Variants in ENPP3 observed in about 807,000 individuals in gnomAD.
ENPP3 encodes the protein ectonucleotide pyrophosphatase/phosphodiesterase family member 3.
Under a neutral mutation model 117.8 loss-of-function variants are expected in ENPP3, and 104 were observed. The observed-to-expected ratio is 0.88, with a 90% CI of 0.75 to 1.04. The LOEUF is 1.04. Ranked by LOEUF, ENPP3 falls within the 50% of genes least tolerant of loss-of-function variation. ENPP3 has a pLI of 0.00. For missense variants in ENPP3, 1,026 were observed against 1,051.9 expected (o/e 0.98, Z 0.34); for synonymous variants, 380 against 349.9 (o/e 1.09, Z -0.96).
Position 131,648,816 on chromosome 6 carries a change from G to T in ENPP3, c.155-1211G>T, listed in dbSNP as rs1472389992. On this transcript the variant is annotated intron_variant, in intron 2 of 24. Transcript: ENST00000357639. ...GCATAGCAAGGAGAAATGATATTTAGCTGGGCACACACTCCTCGCACAATA... is the reference window on the plus strand; with the variant it reads ...GCATAGCAAGGAGAAATGATATTTATCTGGGCACACACTCCTCGCACAATA... Among the ~76,000 whole-genome samples, 50 of 152,124 alleles carry T rather than the reference G, an allele frequency of 3.3e-4. 1 individual carries two copies. The highest frequency in any genetic ancestry group is 3.3e-3 in the Admixed American group (50 of 15,266).
At chr6:131,685,243 A>G in intron 12 of ENPP3, 121 bp from the exon 13 acceptor site, 2 of 897,264 alleles carry the variant, frequency 2.2e-6, no homozygotes, top group Non-Finnish European at 3.4e-6. Flanking sequence ...AATTGCGTAA[A>G]TTCTCAGTGA....
intron 5 of ENPP3, among the ~76,000 whole-genome samples, chr6:131,656,266 G>C (rs1323699391): frequency 6.6e-6 from 1 of 152,122 alleles, no homozygotes. Context: ...ATCACAGGCA[G>C]TAAAAATAAT....
chr6:131,721,863 C>CAT lies in ENPP3; in HGVS notation c.1568-364_1568-363insAT, dbSNP rs1217000794. 7.2e-5 allele frequency among the ~76,000 whole-genome samples: 11 copies of CAT among 152,236 alleles called. No homozygotes were observed. In the East Asian group the frequency reaches 2.1e-3, roughly 29 times the overall value. On this transcript the variant is annotated intron_variant, in intron 17 of 24. Transcript: ENST00000357639. The stretch of plus-strand genomic sequence containing the variant: ...AAACAGAAACCATTCATGAAAGTTC[C>CAT]TCTGGCTCATCTGCAGCAACTGTTC...
At chr6:131,720,271 A>AATG in intron 16 of ENPP3, 21 bp from the exon 17 acceptor site, 1 of 1,425,324 alleles carries the variant, frequency 7.0e-7, no homozygotes, top group South Asian at 1.3e-5. Context: ...TAATAATAAT[A>AATG]ATCTGACTAT....
intron 11 of ENPP3, among the ~76,000 whole-genome samples, chr6:131,678,657 G>A (rs1317589802): frequency 2.0e-5 from 3 of 152,224 alleles, no homozygotes; most frequent in African/African-American, 7.2e-5. Flanking sequence ...TGGAATGCAA[G>A]CATATTCGCT....
At chr6:131,666,650 C>T (rs1778622449) in intron 6 of ENPP3, among the ~76,000 whole-genome samples, 1 of 152,206 alleles carries the variant, frequency 6.6e-6, no homozygotes, top group Non-Finnish European at 1.5e-5. Context: ...CTCATCACCT[C>T]AACGAGCATC....
chr6:131,691,457 TGG>T lies in ENPP3; in HGVS notation c.1285-2039_1285-2038del, dbSNP rs1031507636. ...TACAAAAATTAGCCGGGCATGGTGG[TGG>T]ATGCCTGTAATCCCAGCTACTCTGG... On this transcript the variant is annotated intron_variant, in intron 14 of 24. Coordinates refer to ENST00000357639, the MANE Select transcript of ENPP3 (RefSeq NM_005021.5). 2.0e-3 allele frequency among the ~76,000 whole-genome samples: 300 copies of T among 151,690 alleles called. 2 individuals carry two copies. Among genetic ancestry groups the T allele is most frequent in the African/African-American group, 7.0e-3 (289 of 41,364 alleles).
rs1209284810 is a variant in ENPP3, at chr6:131,671,236, A to C, written c.563-12A>C. 12 of 1,515,780 alleles carry C rather than the reference A, an allele frequency of 7.9e-6. 1 individual carries two copies. The South Asian group carries it at 1.4e-4, about 17-fold the overall frequency. 93.9% of individuals were successfully genotyped at this position (1,515,780 alleles called of 1,614,324 possible). ...AAACAACTTCCTAATTTCTCACCAT[A>C]TTCTGTTGCAGAAACATGTGGAATT... On this transcript the variant is annotated splice_polypyrimidine_tract_variant and intron_variant, in intron 6 of 24. Coordinates refer to ENST00000357639, the MANE Select transcript of ENPP3 (RefSeq NM_005021.5).
At chr6:131,644,192 G>A (rs752976458) in intron 2 of ENPP3, among the ~76,000 whole-genome samples, 1 of 152,272 alleles carries the variant, frequency 6.6e-6, no homozygotes, top group South Asian at 2.1e-4. Flanking sequence ...AGAGGAACCC[G>A]ATCAAGTAAA....
chr6:131,722,475 A>G lies in ENPP3; in HGVS notation c.1746+70A>G, dbSNP rs529643487. ...CTATTCTTAACCTGGGTAGCTGACA[A>G]CTGGGGTAGCAACAACCAGGTTTGT... On this transcript the variant is annotated intron_variant, in intron 18 of 24. Transcript: ENST00000357639. 35 of 1,279,516 alleles carry G rather than the reference A, an allele frequency of 2.7e-5. No individual in the cohort carries two copies. The East Asian group carries it at 7.9e-4, about 29-fold the overall frequency. 79.3% of individuals were successfully genotyped at this position (1,279,516 alleles called of 1,614,324 possible). A position where few individuals can be genotyped will look rare whatever the true frequency, so the allele number is the denominator to read the frequency against.
intron 14 of ENPP3, among the ~76,000 whole-genome samples, chr6:131,688,455 A>G (rs775821645): frequency 4.6e-5 from 7 of 152,262 alleles, no homozygotes; most frequent in Non-Finnish European, 8.8e-5. Context: ...GCCAAAAGCT[A>G]GGCCTGTTGC....
chr6:131,640,832 C>T (rs970639658), intron 1 of ENPP3, among the ~76,000 whole-genome samples: 3 of 152,118 alleles, frequency 2.0e-5, no homozygotes, highest in Non-Finnish European at 2.9e-5. Flanking sequence ...GCATAAAGTT[C>T]GTTACACCAA....
chr6:131,688,966 T>C (rs948995151), intron 14 of ENPP3, among the ~76,000 whole-genome samples: 12 of 150,590 alleles, frequency 8.0e-5, no homozygotes, highest in Admixed American at 7.3e-4. Context: ...CTTGGGAGGC[T>C]GAGGCAGGAA....
intron 2 of ENPP3, among the ~76,000 whole-genome samples, chr6:131,647,273 C>A (rs115560972): frequency 6.6e-6 from 1 of 152,100 alleles, no homozygotes; most frequent in Non-Finnish European, 1.5e-5. Flanking sequence ...AAACCATGAA[C>A]AATAATGTGT....
rs1313553499 is a variant in ENPP3 at position 131,726,200 on chromosome 6, G to C, written c.1953G>C (p.Leu651Phe). The C allele has an allele frequency of 1.9e-6, 3 of 1,612,484 alleles. No individual in the cohort carries two copies. Among genetic ancestry groups the C allele is most frequent in the Non-Finnish European group, 2.5e-6 (3 of 1,179,146 alleles). ...PMWSSYTVPQ[L>F]GDTSPLPPTV... ...GGAGTTCATACACAGTCCCCCAGTT[G>C]GTAAGTTCCTGAGTCCATTGATCCA... Residue 651 changes from leucine to phenylalanine, a missense_variant and splice_region_variant, in exon 20 of 25, where the codon TTG (leucine) becomes TTC (phenylalanine). Coordinates refer to ENST00000357639, the MANE Select transcript of ENPP3 (RefSeq NM_005021.5).
intron 15 of ENPP3, among the ~76,000 whole-genome samples, chr6:131,718,200 T>C (rs1365982917): frequency 6.6e-6 from 1 of 152,238 alleles, no homozygotes; most frequent in East Asian, 1.9e-4. Flanking sequence ...AAAACAGAAA[T>C]TGATATTTTT....
rs1244048725 is a variant in ENPP3 at position 131,637,354 on chromosome 6, G to C, written c.-31G>C. On this transcript the variant is annotated 5_prime_UTR_variant, in exon 1 of 25. Transcript: ENST00000357639. The stretch of plus-strand genomic sequence containing the variant: ...TAAAGAAGGAGCACTAATTTATTCT[G>C]ATAAAACAGGTCTATGCAGCTACCA... 3.4e-6 allele frequency: 5 copies of C among 1,457,494 alleles called. No individual in the cohort carries two copies. Among genetic ancestry groups the C allele is most frequent in the Non-Finnish European group, 4.7e-6 (5 of 1,070,072 alleles). 90.3% of individuals were successfully genotyped at this position (1,457,494 alleles called of 1,614,324 possible).
At position 131,674,221 on chromosome 6, in the gene ENPP3, C is replaced by T. The variant is rs778890783; in HGVS notation, c.702C>T (p.Asn234=). 1 of 1,605,832 alleles carries T rather than the reference C, an allele frequency of 6.2e-7. No individual in the cohort carries two copies. Among genetic ancestry groups the T allele is most frequent in the Non-Finnish European group, 8.5e-7 (1 of 1,172,612 alleles). The change falls in exon 8 of 25, where the codon AAC becomes AAT. Residue 234 remains asparagine (N), a synonymous_variant. Transcript: ENST00000357639. ...IDNNMYDVNL[N]KNFSLSSKEQ... ...ATAATATGTATGATGTAAATCTCAA[C>T]AAGAATTTTTCACTTTCTTCAAAGG...
At chr6:131,707,000 T>A (rs1460706886) in intron 15 of ENPP3, among the ~76,000 whole-genome samples, 3 of 151,838 alleles carry the variant, frequency 2.0e-5, no homozygotes, top group African/African-American at 7.3e-5. Context: ...TGGAAAAGAT[T>A]GTGTAGAATT....
Sources: allele counts gnomAD v4.1 joint callset (sites outside exome capture counted in the v4.1 genomes callset), GRCh38; gene constraint gnomAD v4.1.1; transcripts MANE v1.5; gene names NCBI Gene and HGNC (gene_info 2026-07-23, HGNC 2026-07-21).